Variants in FAM149A observed in about 807,000 individuals in gnomAD.
FAM149A encodes the protein family with sequence similarity 149 member A, also known as protein FAM149A.
A neutral mutation model predicts 78.2 loss-of-function variants in FAM149A; 71 were observed. The ratio of observed to expected loss-of-function variants is 0.91; its 90% CI spans 0.75 to 1.11. The LOEUF (loss-of-function observed/expected upper bound fraction) is 1.11, where lower values mean the gene tolerates loss of function less well. FAM149A is among the 50% of genes least tolerant of loss of function. The pLI is 0.00. For missense variants in FAM149A, 1,036 were observed against 971.0 expected (o/e 1.07, Z -0.89); for synonymous variants, 446 against 410.5 (o/e 1.09, Z -1.04).
At chr4:186,139,983 A>G (rs2099325114) in intron 1 of FAM149A, among the ~76,000 whole-genome samples, 1 of 152,248 alleles carries the variant, frequency 6.6e-6, no homozygotes, top group African/African-American at 2.4e-5. Flanking sequence ...ACCTAACAAA[A>G]AAAACCACTC....
At chr4:186,116,680 C>T in intron 1 of FAM149A, 1 of 952,384 alleles carries the variant, frequency 1.0e-6, no homozygotes, top group East Asian at 1.2e-4. Context: ...TCACTGCAAC[C>T]TCTGCGTCCT....
intron 1 of FAM149A, among the ~76,000 whole-genome samples, chr4:186,142,723 C>A (rs1278780180): frequency 3.9e-5 from 6 of 152,180 alleles, no homozygotes; most frequent in Non-Finnish European, 7.4e-5. Flanking sequence ...TCCAGCCACC[C>A]CCGACTGCAT....
At chr4:186,132,764 T>C (rs1475202925) in intron 1 of FAM149A, among the ~76,000 whole-genome samples, 1 of 152,196 alleles carries the variant, frequency 6.6e-6, no homozygotes, top group East Asian at 1.9e-4. Context: ...GTGAAGATAT[T>C]GAACCTTTTA....
intron 1 of FAM149A, among the ~76,000 whole-genome samples, chr4:186,148,294 T>A (rs1244821708): frequency 6.6e-6 from 1 of 152,228 alleles, no homozygotes; most frequent in Non-Finnish European, 1.5e-5. Flanking sequence ...TTAGGTAGCC[T>A]TATAATCGAA....
intron 1 of FAM149A, among the ~76,000 whole-genome samples, chr4:186,134,742 G>C (rs2099322039): frequency 6.6e-6 from 1 of 152,202 alleles, no homozygotes; most frequent in Non-Finnish European, 1.5e-5. Context: ...GTGTGCTGCA[G>C]GTTTGCAGGA....
At position 186,156,218 on chromosome 4, in the gene FAM149A, GA is replaced by G. The variant is rs762755273; in HGVS notation, c.1420+32del. 2.1e-5 allele frequency: 33 copies of G among 1,589,020 alleles called. No homozygotes were observed. In the East Asian group the frequency reaches 2.9e-4, roughly 14 times the overall value. On this transcript the variant is annotated intron_variant, in intron 7 of 13. Transcript: ENST00000389354. Reference sequence around the variant, plus strand: ...ACTTACATGCAGAATTTAGCTTAATGAAAAGAAAAAGTCCCTGTTCTTCGGC... The same window carrying G: ...ACTTACATGCAGAATTTAGCTTAATGAAAGAAAAAGTCCCTGTTCTTCGGC...
chr4:186,121,617 G>T (rs1210191056), intron 1 of FAM149A, among the ~76,000 whole-genome samples: 2 of 152,166 alleles, frequency 1.3e-5, no homozygotes, highest in African/African-American at 4.8e-5. Context: ...GATGTACGGA[G>T]ACATTGATGG....
At chr4:186,150,136 C>A (rs4862647) in intron 3 of FAM149A, among the ~76,000 whole-genome samples, 2 of 78,158 alleles carry the variant, frequency 2.6e-5, no homozygotes, top group South Asian at 5.3e-4. Context: ...CCGCTGGGGG[C>A]GCTGTTGCCT....
In FAM149A at chr4:186,163,489, T is replaced by A; in HGVS notation, c.1745T>A (p.Leu582Gln). The A allele has an allele frequency of 6.2e-7, 1 of 1,614,124 alleles. No homozygotes were observed. Among genetic ancestry groups the A allele is most frequent in the African/African-American group, 1.3e-5 (1 of 75,024 alleles). The change falls in exon 10 of 14, where the codon CTG becomes CAG. Residue 582 changes from leucine to glutamine, a missense_variant. Physicochemically the swap from Leu to Gln is moderately radical, Grantham distance 113. This residue lies in a region of FAM149A where 716 missense variants were observed against 711.8 expected (regional missense o/e 1.01). Coordinates refer to ENST00000389354, the MANE Select transcript of FAM149A (RefSeq NM_001367768.3). The stretch of plus-strand genomic sequence containing the variant: ...GCTCTCTCCTCCGCACCGCACAGAC[T>A]GGGACGGGCCTCAGACACTCATGGA...
At position 186,153,757 on chromosome 4, in the gene FAM149A, A is replaced by G; in HGVS notation, c.1045A>G (p.Ser349Gly). The change falls in exon 5 of 14, where the codon AGC (serine) becomes GGC (glycine). Residue 349 changes from serine to glycine, a missense_variant. Physicochemically the swap from Ser to Gly is moderately conservative, Grantham distance 56. Around this residue, in one of 3 missense-constraint regions of FAM149A, gnomAD observed 716 missense variants for 711.8 expected, o/e 1.01. Coordinates refer to ENST00000389354, the MANE Select transcript of FAM149A (RefSeq NM_001367768.3). Reference sequence around the variant, plus strand: ...CCCGCTCAGTGCCTGCGGACACAGCAGCAACATCAGAGAGTATGTTCAGAT... The same window carrying G: ...CCCGCTCAGTGCCTGCGGACACAGCGGCAACATCAGAGAGTATGTTCAGAT... 1 of 1,608,860 alleles carries G rather than the reference A, an allele frequency of 6.2e-7. No individual in the cohort carries two copies. The highest frequency in any genetic ancestry group is 8.5e-7 in the Non-Finnish European group (1 of 1,175,822).
At chr4:186,132,697 C>G (rs2099321211) in intron 1 of FAM149A, among the ~76,000 whole-genome samples, 1 of 152,160 alleles carries the variant, frequency 6.6e-6, no homozygotes, top group Non-Finnish European at 1.5e-5. Flanking sequence ...CGGTGCTTGT[C>G]CAGGCTTAGT....
intron 6 of FAM149A, 166 bp downstream of exon 6, chr4:186,154,804 A>G (rs35459248): frequency 0.71 from 704,181 of 984,910 alleles, 254,703 homozygotes; most frequent in Non-Finnish European, 0.74. Flanking sequence ...ATTCCTAGCC[A>G]GCGGTGCACG....
intron 1 of FAM149A, among the ~76,000 whole-genome samples, chr4:186,126,560 C>T (rs1391049688): frequency 6.6e-6 from 1 of 152,218 alleles, no homozygotes; most frequent in Non-Finnish European, 1.5e-5. Context: ...GGACATCCAA[C>T]TCTTCTGCCC....
At position 186,144,680 on chromosome 4, in the gene FAM149A, C is replaced by A; in HGVS notation, c.567-4493C>A. The A allele has an allele frequency of 2.2e-6, 1 of 460,698 alleles. No individual in the cohort carries two copies. The highest frequency in any genetic ancestry group is 2.9e-6 in the Non-Finnish European group (1 of 349,434). The allele number at this position is 460,698 out of a possible 1,614,324, so 28.5% of individuals were successfully genotyped here. On this transcript the variant is annotated intron_variant, in intron 1 of 13. Coordinates refer to ENST00000389354, the MANE Select transcript of FAM149A (RefSeq NM_001367768.3). The surrounding 1 kb of genome is among the most constrained non-coding windows in gnomAD (Gnocchi z 4.2). ...AGTGGCCGCTGGGTTGGAAACCCGG[C>A]CCGGCAGGGAGCGGGGAAGGCGCGC...
At chr4:186,171,277 C>G (rs998958616) in intron 13 of FAM149A, 1 of 152,268 alleles carries the variant, frequency 6.6e-6, no homozygotes, top group Admixed American at 6.5e-5. Context: ...CCCAGACGCA[C>G]CGCTTCAGAG....
At chr4:186,127,002 TA>T (rs1394677138) in intron 1 of FAM149A, 2 of 985,276 alleles carry the variant, frequency 2.0e-6, no homozygotes, top group Non-Finnish European at 2.4e-6. Flanking sequence ...TGGAATTTTG[TA>T]ATGGTAGAGC....
chr4:186,117,375 T>C (rs1185184676), intron 1 of FAM149A: 16 of 952,424 alleles, frequency 1.7e-5, no homozygotes, highest in Non-Finnish European at 1.9e-5. Context: ...GAAATGGATC[T>C]TATGAAAAAG....
chr4:186,162,768 G>C, intron 8 of FAM149A, 77 bp from the exon 9 acceptor site: 1 of 749,910 alleles, frequency 1.3e-6, no homozygotes, highest in East Asian at 2.7e-5. Context: ...GCTGATTTCG[G>C]ACAAGCATCA....
chr4:186,138,626 G>C lies in FAM149A; in HGVS notation c.567-10547G>C, dbSNP rs138384266. Among the ~76,000 whole-genome samples, 350 of 152,266 alleles carry C rather than the reference G, an allele frequency of 2.3e-3. 1 individual carries two copies. The highest frequency in any genetic ancestry group is 8.0e-3 in the African/African-American group (332 of 41,542). ...CAGACTTTCTTGTTTTGATGATCACGACAGTTTAGGGGAGTACTGGTCATG... is the reference window on the plus strand; with the variant it reads ...CAGACTTTCTTGTTTTGATGATCACCACAGTTTAGGGGAGTACTGGTCATG... On this transcript the variant is annotated intron_variant, in intron 1 of 13. Transcript: ENST00000389354.
Sources: gnomAD v4.1 joint callset for allele counts (sites outside exome capture counted in the v4.1 genomes callset) on GRCh38, gnomAD v4.1.1 for gene constraint, gnomAD v4.1.1 regional missense constraint, Gnocchi (gnomAD v3.1) non-coding constraint, MANE v1.5 for transcripts, NCBI Gene and HGNC (gene_info 2026-07-23, HGNC 2026-07-21) for gene names.